ATP6V0B: variants seen among roughly 807,000 people sequenced by gnomAD.
ATP6V0B encodes ATPase H+ transporting V0 subunit b.
Under a neutral mutation model 26.2 loss-of-function variants are expected in ATP6V0B, and 4 were observed. The ratio of observed to expected loss-of-function variants is 0.15; its 90% CI spans 0.08 to 0.35. The LOEUF (loss-of-function observed/expected upper bound fraction) is 0.35. Ranked by LOEUF, ATP6V0B falls within the 10% of genes least tolerant of loss-of-function variation. The pLI is 1.00. For synonymous variants in ATP6V0B, 110 were observed against 105.8 expected, an observed-to-expected ratio of 1.04 and a Z score of -0.24; for missense variants, 175 against 272.5, an observed-to-expected ratio of 0.64 and a Z score of 2.52.
rs2085522568 is a variant in ATP6V0B at position 43,976,527 on chromosome 1, G to A, written c.279-63G>A. 2 of 1,592,506 alleles carry A rather than the reference G, an allele frequency of 1.3e-6. No individual in the cohort carries two copies. The highest frequency in any genetic ancestry group is 1.7e-6 in the Non-Finnish European group (2 of 1,161,040). ...TGCTGGGGACTTACTGGGCAGGAAG[G>A]ACGGTTTCTTTCTCATTTCTTTCTC... On this transcript the variant is annotated intron_variant, in intron 4 of 7. Transcript: ENST00000472174. The surrounding 1 kb of genome is among the most constrained non-coding windows in gnomAD (Gnocchi z 4.6).
At position 43,976,480 on chromosome 1, in the gene ATP6V0B, T is replaced by G; in HGVS notation, c.278+101T>G. 1.3e-6 allele frequency: 2 copies of G among 1,537,346 alleles called. No individual in the cohort carries two copies. The highest frequency in any genetic ancestry group is 1.8e-6 in the Non-Finnish European group (2 of 1,115,034). ...GTTTCTGACAAGCCACCTTGTGGGATGGGATGTTATAGGGGAAAGATTGCT... is the reference window on the plus strand; with the variant it reads ...GTTTCTGACAAGCCACCTTGTGGGAGGGGATGTTATAGGGGAAAGATTGCT... On this transcript the variant is annotated intron_variant, in intron 4 of 7. Transcript: ENST00000472174. This position sits in a 1 kb window ranked among gnomAD's most constrained non-coding sequence, Gnocchi z 4.6.
intron 7 of ATP6V0B, chr1:43,977,440 C>T: frequency 6.9e-7 from 1 of 1,459,782 alleles, no homozygotes; most frequent in Non-Finnish European, 9.0e-7. Flanking sequence ...TCCCCCCTTT[C>T]TAATGCGTTG....
intron 7 of ATP6V0B, chr1:43,977,728 T>G: frequency 3.5e-6 from 5 of 1,440,252 alleles, no homozygotes; most frequent in Non-Finnish European, 4.5e-6. Context: ...AGTGTGACTG[T>G]GGGTGCTTGA....
Position 43,975,242 on chromosome 1 carries a change from G to A in ATP6V0B, c.67+135G>A, listed in dbSNP as rs867206715. On this transcript the variant is annotated intron_variant, in intron 1 of 7. Coordinates refer to ENST00000472174, the MANE Select transcript of ATP6V0B (RefSeq NM_004047.5). ...CCCGAGGCTCTGGGGACTTGCGCCT[G>A]CGAGGGCCTCTGACTCCGACAAAGG... 5.6e-5 allele frequency: 63 copies of A among 1,131,216 alleles called. No individual in the cohort carries two copies. In the Admixed American group the frequency reaches 1.1e-3, roughly 20 times the overall value. The allele number at this position is 1,131,216 out of a possible 1,614,324, so 70.1% of individuals were successfully genotyped here.
chr1:43,976,956 A>G lies in ATP6V0B; in HGVS notation c.401-70A>G. The stretch of plus-strand genomic sequence containing the variant: ...TCTGCTTTGCAGAGTGGGGATGGTG[A>G]TTGGCCCCATTAGCCCATATCTCCC... On this transcript the variant is annotated intron_variant, in intron 6 of 7. Transcript: ENST00000472174. This position sits in a 1 kb window ranked among gnomAD's most constrained non-coding sequence, Gnocchi z 4.6. The G allele has an allele frequency of 6.2e-7, 1 of 1,600,956 alleles. No homozygotes were observed. Among genetic ancestry groups the G allele is most frequent in the Non-Finnish European group, 8.5e-7 (1 of 1,169,784 alleles).
intron 1 of ATP6V0B, chr1:43,975,587 G>A: frequency 1.6e-6 from 1 of 631,046 alleles, no homozygotes; most frequent in East Asian, 2.8e-5. Flanking sequence ...TGCCTGCGCA[G>A]GTGCTTGGTC....
chr1:43,975,570 G>A, intron 1 of ATP6V0B: 1 of 596,502 alleles, frequency 1.7e-6, no homozygotes, highest in Non-Finnish European at 2.9e-6. Flanking sequence ...CTTGCGGGTG[G>A]CGACCCTGCC....
chr1:43,976,898 G>A lies in ATP6V0B; in HGVS notation c.400+74G>A. The A allele has an allele frequency of 6.2e-7, 1 of 1,605,756 alleles. No individual in the cohort carries two copies. The highest frequency in any genetic ancestry group is 8.5e-7 in the Non-Finnish European group (1 of 1,172,902). ...TTCCACTCTCCCCCATCCCAGCTTG[G>A]GCCATCATTTTGATATTCTCTCACC... is the stretch of plus-strand genomic sequence containing the variant. On this transcript the variant is annotated intron_variant, in intron 6 of 7. Transcript: ENST00000472174. This position sits in a 1 kb window ranked among gnomAD's most constrained non-coding sequence, Gnocchi z 4.6.
intron 7 of ATP6V0B, chr1:43,977,589 ACTGT>A: frequency 7.0e-7 from 1 of 1,419,774 alleles, no homozygotes; most frequent in Non-Finnish European, 9.1e-7. Context: ...GGTGTGTTTG[ACTGT>A]CTCTCGGAGC....
Position 43,976,202 on chromosome 1 carries a change from C to T in ATP6V0B, c.200+29C>T, listed in dbSNP as rs1309797637. On this transcript the variant is annotated intron_variant, in intron 3 of 7. Coordinates refer to ENST00000472174, the MANE Select transcript of ATP6V0B (RefSeq NM_004047.5). This position sits in a 1 kb window ranked among gnomAD's most constrained non-coding sequence, Gnocchi z 4.6. ...AGTATTGGGGTGGTGGGACTGGGGG[C>T]AGGGGCTGAGTCATGGCAGGTGGTG... 6.2e-7 allele frequency: 1 copy of T among 1,611,126 alleles called. No individual in the cohort carries two copies. Among genetic ancestry groups the T allele is most frequent in the Non-Finnish European group, 8.5e-7 (1 of 1,177,484 alleles).
chr1:43,977,921 T>A (rs2085541359), intron 7 of ATP6V0B, 60 bp from the exon 8 acceptor site: 8 of 1,614,190 alleles, frequency 5.0e-6, no homozygotes. Flanking sequence ...CTTCTATCAT[T>A]TGTCACTGCC....
In ATP6V0B at chr1:43,975,103, C is replaced by T. The variant is rs1215637088; in HGVS notation, c.63C>T (p.Ala21=). The T allele has an allele frequency of 7.1e-7, 1 of 1,411,472 alleles. No homozygotes were observed. Among genetic ancestry groups the T allele is most frequent in the Non-Finnish European group, 9.2e-7 (1 of 1,088,982 alleles). 87.4% of individuals were successfully genotyped at this position (1,411,472 alleles called of 1,614,324 possible). Residue 21 remains alanine, a synonymous_variant, in exon 1 of 8, where the codon GCC becomes GCT. Coordinates refer to ENST00000472174, the MANE Select transcript of ATP6V0B (RefSeq NM_004047.5). ...TGGCCTTCTGGGCCTGCGCGCTGGC[C>T]GTGGGTGAGGCCGGGTCCTGGCGGG... is the stretch of plus-strand genomic sequence containing the variant. ...VFVAFWACAL[A]VGVCYTIFDL...
In ATP6V0B at chr1:43,977,800, C is replaced by A. The variant is rs542049768; in HGVS notation, c.592-181C>A. The A allele has an allele frequency of 4.5e-6, 7 of 1,546,520 alleles. No homozygotes were observed. The African/African-American group carries it at 8.2e-5, about 18-fold the overall frequency. On this transcript the variant is annotated intron_variant, in intron 7 of 7. Transcript: ENST00000472174. ...CCACTTCTCTCCGTCTGTCCCACAG[C>A]GTAACTCTGTGGTTGTCTGTCCCTG...
chr1:43,975,702 TC>T, intron 1 of ATP6V0B, 97 bp from the exon 2 acceptor site: 3 of 1,419,390 alleles, frequency 2.1e-6, no homozygotes, highest in Non-Finnish European at 3.0e-6. Context: ...GGACGCCCCT[TC>T]AGGGAGGTGG....
In ATP6V0B at chr1:43,977,215, A is replaced by G. The variant is rs750527855; in HGVS notation, c.590A>G (p.Gln197Arg). ...TTTGGGGTCATCGTCGCAATTCTTC[A>G]GGTGATGAATCCCCTTGGGAAGCCT... ...GLFGVIVAIL[Q>R]TSRVKMGD The change falls in exon 7 of 8, where the codon CAG becomes CGG. Residue 197 changes from glutamine to arginine, a missense_variant and splice_region_variant. Physicochemically the swap from Gln to Arg is conservative, Grantham distance 43. Coordinates refer to ENST00000472174, the MANE Select transcript of ATP6V0B (RefSeq NM_004047.5). The G allele has an allele frequency of 1.9e-6, 3 of 1,614,222 alleles. No individual in the cohort carries two copies. In the Admixed American group the frequency reaches 5.0e-5, roughly 27 times the overall value.
chr1:43,975,978 A>T lies in ATP6V0B; in HGVS notation c.117-112A>T. On this transcript the variant is annotated intron_variant, in intron 2 of 7. Coordinates refer to ENST00000472174, the MANE Select transcript of ATP6V0B (RefSeq NM_004047.5). ...ATGGACCTTTGGGAAATACGCGGTC[A>T]GTTGTTGCCTGTAGAACTGGTGGTG... 5 of 1,514,238 alleles carry T rather than the reference A, an allele frequency of 3.3e-6. No homozygotes were observed. The South Asian group carries it at 5.8e-5, about 17-fold the overall frequency. 93.8% of individuals were successfully genotyped at this position (1,514,238 alleles called of 1,614,324 possible).
chr1:43,977,566 A>G lies in ATP6V0B; in HGVS notation c.591+350A>G. On this transcript the variant is annotated intron_variant, in intron 7 of 7. Coordinates refer to ENST00000472174, the MANE Select transcript of ATP6V0B (RefSeq NM_004047.5). The stretch of plus-strand genomic sequence containing the variant: ...CTAGAATGGAATTTTGTCTGTCTAT[A>G]TCAGTCTGTCATGGTGTGTTTGACT... 2.1e-6 allele frequency: 3 copies of G among 1,425,474 alleles called. No homozygotes were observed. The South Asian group carries it at 4.7e-5, about 22-fold the overall frequency. The allele number at this position is 1,425,474 out of a possible 1,614,324, so 88.3% of individuals were successfully genotyped here.
chr1:43,975,582 G>T (rs1334913340), intron 1 of ATP6V0B: 4 of 620,300 alleles, frequency 6.4e-6, no homozygotes, highest in Non-Finnish European at 8.5e-6. Context: ...GACCCTGCCT[G>T]CGCAGGTGCT....
Position 43,976,615 on chromosome 1 carries a change from A to T in ATP6V0B, c.304A>T (p.Ile102Phe). Reference sequence around the variant, plus strand: ...CATCATCTTCTGTGAGGCTGTGGCCATCTACGGCATCATCATGGCAATTGT... The same window carrying T: ...CATCATCTTCTGTGAGGCTGTGGCCTTCTACGGCATCATCATGGCAATTGT... ...VSIIFCEAVA[I>F]YGIIMAIVIS... Residue 102 changes from isoleucine (I) to phenylalanine (F), a missense_variant, in exon 5 of 8, where the codon ATC (isoleucine) becomes TTC (phenylalanine). Ile to Phe is a conservative substitution (Grantham distance 21). Around this residue, in one of 3 missense-constraint regions of ATP6V0B, gnomAD observed 97 missense variants for 158.0 expected, o/e 0.61. Coordinates refer to ENST00000472174, the MANE Select transcript of ATP6V0B (RefSeq NM_004047.5). The surrounding 1 kb of genome is among the most constrained non-coding windows in gnomAD (Gnocchi z 4.6). 6.2e-7 allele frequency: 1 copy of T among 1,614,204 alleles called. No individual in the cohort carries two copies. The highest frequency in any genetic ancestry group is 8.5e-7 in the Non-Finnish European group (1 of 1,180,038).
Sources: allele counts gnomAD v4.1 joint callset, GRCh38; gene constraint gnomAD v4.1.1; regional missense constraint gnomAD v4.1.1; non-coding constraint Gnocchi (gnomAD v3.1); transcripts MANE v1.5; gene names NCBI Gene and HGNC (gene_info 2026-07-23, HGNC 2026-07-21).